The following DNAH1 variants were observed in gnomAD, a reference collection of about 807,000 sequenced individuals.
DNAH1 encodes axonemal beta dynein heavy chain 1.
A neutral mutation model predicts 484.3 loss-of-function variants in DNAH1; 327 were observed. The observed-to-expected ratio is 0.68, with a 90% CI of 0.62 to 0.74. The LOEUF (loss-of-function observed/expected upper bound fraction) is 0.74, where lower values mean the gene tolerates loss of function less well. DNAH1 is among the 30% of genes least tolerant of loss of function. DNAH1 has a pLI of 0.00. For synonymous variants in DNAH1, 2,192 were observed against 2,191.9 expected (o/e 1.00, Z 0.00); for missense variants, 5,052 against 5,546.8 (o/e 0.91, Z 2.83).
In DNAH1 at chr3:52,386,256, G is replaced by T; in HGVS notation, c.8722G>T (p.Asp2908Tyr). ...KAKKAQAIAD[D>Y]AQKDLDEALP... is the part of the protein sequence containing the mutation. Reference sequence around the variant, plus strand: ...CAAGAAGGCACAAGCTATTGCTGACGATGCCCAGAAGGACCTGGACGAGGC... The same window carrying T: ...CAAGAAGGCACAAGCTATTGCTGACTATGCCCAGAAGGACCTGGACGAGGC... The change falls in exon 55 of 78, where the codon GAT becomes TAT. Residue 2908 changes from aspartate to tyrosine, a missense_variant. Physicochemically the swap from Asp to Tyr is radical, Grantham distance 160. Transcript: ENST00000420323. The T allele has an allele frequency of 6.2e-7, 1 of 1,612,732 alleles. No individual in the cohort carries two copies. The highest frequency in any genetic ancestry group is 1.3e-5 in the African/African-American group (1 of 75,050).
At chr3:52,367,877 A>G (rs551580544) in intron 36 of DNAH1, among the ~76,000 whole-genome samples, 2 of 152,334 alleles carry the variant, frequency 1.3e-5, no homozygotes, top group African/African-American at 2.4e-5. Context: ...CCAGCCCTCA[A>G]TGATACTTTT....
upstream of DNAH1, among the ~76,000 whole-genome samples, chr3:52,312,202 G>A (rs1401908152): frequency 6.6e-6 from 1 of 152,188 alleles, no homozygotes; most frequent in Admixed American, 6.5e-5. Flanking sequence ...ACCTCAGTCT[G>A]CTCACCTGAA....
chr3:52,379,977 G>A lies in DNAH1; in HGVS notation c.7450G>A (p.Glu2484Lys). 1 of 1,586,774 alleles carries A rather than the reference G, an allele frequency of 6.3e-7. No homozygotes were observed. Among genetic ancestry groups the A allele is most frequent in the East Asian group, 2.3e-5 (1 of 43,298 alleles). Residue 2484 changes from glutamate to lysine, a missense_variant, in exon 48 of 78, where the codon GAG (glutamate) becomes AAG (lysine). Glu to Lys is a moderately conservative substitution (Grantham distance 56). Coordinates refer to ENST00000420323, the MANE Select transcript of DNAH1 (RefSeq NM_015512.5). The surrounding 1 kb of genome is among the most constrained non-coding windows in gnomAD (Gnocchi z 4.4). ...GTTCCGGGACCGACTGGTGAATGAG[G>A]AGGACCGCAGCTGGTTCGACCAGCT... is the stretch of plus-strand genomic sequence containing the variant. ...RVFRDRLVNEEDRSWFDQLLK... is the reference protein window; with the variant it reads ...RVFRDRLVNEKDRSWFDQLLK...
rs775782905 is a variant in DNAH1, at chr3:52,375,278, G to T, written c.7024G>T (p.Ala2342Ser). Residue 2342 changes from alanine (A) to serine (S), a missense_variant, in exon 45 of 78, where the codon GCC becomes TCC. By Grantham distance (99) the Ala-to-Ser change is moderately conservative. Transcript: ENST00000420323. ...CCTAGTGGACATCAACTTTGTCTGTGCCATGGGCCCCCCGGGTGGAGGCAG... is the reference window on the plus strand; with the variant it reads ...CCTAGTGGACATCAACTTTGTCTGTTCCATGGGCCCCCCGGGTGGAGGCAG... ...KNLVDINFVC[A>S]MGPPGGGRNT... The T allele has an allele frequency of 1.9e-6, 3 of 1,610,914 alleles. No homozygotes were observed. Among genetic ancestry groups the T allele is most frequent in the African/African-American group, 1.3e-5 (1 of 74,888 alleles).
chr3:52,322,118 A>G (rs1281579940), intron 1 of DNAH1, among the ~76,000 whole-genome samples: 1 of 152,094 alleles, frequency 6.6e-6, no homozygotes, highest in Non-Finnish European at 1.5e-5. Flanking sequence ...GTGCAGTCGC[A>G]TGCATGGGTT....
chr3:52,390,785 C>A, intron 60 of DNAH1, 150 bp from the exon 61 acceptor site: 1 of 1,210,794 alleles, frequency 8.3e-7, no homozygotes, highest in Non-Finnish European at 1.1e-6. Flanking sequence ...TGAGGCATTG[C>A]CTACATTGTC....
chr3:52,359,573 G>A (rs898148572), intron 26 of DNAH1, among the ~76,000 whole-genome samples, 187 bp downstream of exon 26: 7 of 152,184 alleles, frequency 4.6e-5, no homozygotes, highest in Non-Finnish European at 7.4e-5. Flanking sequence ...GGCCTGAGGC[G>A]ATGCCCCCTC....
intron 8 of DNAH1, among the ~76,000 whole-genome samples, chr3:52,335,186 G>C (rs1353703689): frequency 7.7e-6 from 1 of 129,530 alleles, no homozygotes; most frequent in Non-Finnish European, 1.6e-5. Context: ...CTCCCGAGTA[G>C]CTGGAATTAC....
Position 52,385,369 on chromosome 3 carries a change from G to A in DNAH1, c.8547G>A (p.Met2849Ile), listed in dbSNP as rs114269028. The change falls in exon 54 of 78, where the codon ATG becomes ATA. Residue 2849 changes from methionine (M) to isoleucine (I), a missense_variant. By Grantham distance (10) the Met-to-Ile change is conservative. This residue lies in a region of DNAH1 where 2,929 missense variants were observed against 3,409.4 expected (regional missense o/e 0.86). Coordinates refer to ENST00000420323, the MANE Select transcript of DNAH1 (RefSeq NM_015512.5). ...LLRTSEDVAK[M>I]QEDLESMHPL... is the part of the protein sequence containing the mutation. ...GCACTTCTGAGGATGTAGCCAAGATGCAGGAGGACCTGGAGAGTATGCACC... is the reference window on the plus strand; with the variant it reads ...GCACTTCTGAGGATGTAGCCAAGATACAGGAGGACCTGGAGAGTATGCACC... 4 of 1,552,794 alleles carry A rather than the reference G, an allele frequency of 2.6e-6. No individual in the cohort carries two copies. Among genetic ancestry groups the A allele is most frequent in the African/African-American group, 1.4e-5 (1 of 73,208 alleles).
chr3:52,388,139 C>T (rs773449007), intron 56 of DNAH1, 28 bp from the exon 57 acceptor site: 1 of 1,596,604 alleles, frequency 6.3e-7, no homozygotes. Flanking sequence ...GAGAAGCAGC[C>T]TCTTGAGACC....
intron 26 of DNAH1, among the ~76,000 whole-genome samples, chr3:52,359,659 A>G (rs1702772778): frequency 6.6e-6 from 1 of 152,206 alleles, no homozygotes; most frequent in African/African-American, 2.4e-5. Flanking sequence ...CCTGTGCTCC[A>G]GTGCCTTGCC....
At chr3:52,398,662 C>CAA (rs1704751430) in intron 75 of DNAH1, among the ~76,000 whole-genome samples, 188 bp from the exon 76 acceptor site, 1 of 152,054 alleles carries the variant, frequency 6.6e-6, no homozygotes, top group South Asian at 2.1e-4. Flanking sequence ...GTAAGCTATC[C>CAA]AAGTCCAACT....
At position 52,394,683 on chromosome 3, in the gene DNAH1, G is replaced by A. The variant is rs766254418; in HGVS notation, c.10823+22G>A. The A allele has an allele frequency of 5.8e-6, 9 of 1,551,074 alleles. No homozygotes were observed. The Admixed American group carries it at 1.1e-4, about 19-fold the overall frequency. ...ACCGGTTAGCTGGGCCCCAGAATAT[G>A]GCAGGATGAGCCCATCGAGGGGATG... On this transcript the variant is annotated intron_variant, in intron 67 of 77. Transcript: ENST00000420323.
intron 21 of DNAH1, among the ~76,000 whole-genome samples, chr3:52,356,102 C>G (rs913758224): frequency 6.6e-6 from 1 of 152,238 alleles, no homozygotes; most frequent in African/African-American, 2.4e-5. Flanking sequence ...ACAAGAGATA[C>G]ATCCTGAATG....
rs533292473 is a variant in DNAH1, at chr3:52,365,507, T to G, written c.5518+488T>G. ...AAGAACATTTGGGCCCTTCCTTCAC[T>G]GACTTGTTGCAAAGGCCACCATGTG... On this transcript the variant is annotated intron_variant, in intron 34 of 77. Transcript: ENST00000420323. Among the ~76,000 whole-genome samples the G allele has an allele frequency of 2.5e-4, 38 of 152,286 alleles. No homozygotes were observed. The South Asian group carries it at 4.8e-3, about 19-fold the overall frequency.
Position 52,400,308 on chromosome 3 carries a change from C to G in DNAH1, c.12677-17C>G, listed in dbSNP as rs1434562968. ...ATAGGGCATGACCTAACCCGTCCCC[C>G]TCCTTGCCCATTCCAGGAACACTAT... On this transcript the variant is annotated splice_polypyrimidine_tract_variant and intron_variant, in intron 77 of 77. Transcript: ENST00000420323. The G allele has an allele frequency of 1.4e-5, 23 of 1,613,668 alleles. No individual in the cohort carries two copies. The highest frequency in any genetic ancestry group is 1.9e-5 in the Non-Finnish European group (22 of 1,179,770).
At chr3:52,397,115 T>C in intron 73 of DNAH1, 71 bp downstream of exon 73, 1 of 1,382,476 alleles carries the variant, frequency 7.2e-7, no homozygotes, top group Non-Finnish European at 9.8e-7. Flanking sequence ...ATGAGCACCT[T>C]GGTGCTGGGT....
In DNAH1 at chr3:52,376,094, T is replaced by G. The variant is rs540899009; in HGVS notation, c.7198+101T>G. ...TGCGACCAGGCGCCGTGGTGAACCA[T>G]CCTCAGGTTCATGCAGGGACCTTGG... is the stretch of plus-strand genomic sequence containing the variant. On this transcript the variant is annotated intron_variant, in intron 46 of 77. Coordinates refer to ENST00000420323, the MANE Select transcript of DNAH1 (RefSeq NM_015512.5). 18 of 1,437,348 alleles carry G rather than the reference T, an allele frequency of 1.3e-5. No individual in the cohort carries two copies. The South Asian group carries it at 2.1e-4, about 17-fold the overall frequency. The allele number at this position is 1,437,348 out of a possible 1,614,324, so 89.0% of individuals were successfully genotyped here.
In DNAH1 at chr3:52,379,795, C is replaced by A. The variant is rs1703759745; in HGVS notation, c.7378-110C>A. ...CCTGGGCCATGGTGGGAGAGCCAGG[C>A]TCCAGTCAGGGCCCCAGGAACTGGG... On this transcript the variant is annotated intron_variant, in intron 47 of 77. Transcript: ENST00000420323. The surrounding 1 kb of genome is among the most constrained non-coding windows in gnomAD (Gnocchi z 4.4). 4.3e-6 allele frequency: 4 copies of A among 940,574 alleles called. No individual in the cohort carries two copies. In the East Asian group the frequency reaches 7.9e-5, roughly 19 times the overall value. 58.3% of individuals were successfully genotyped at this position (940,574 alleles called of 1,614,324 possible). A position where few individuals can be genotyped will look rare whatever the true frequency, so the allele number is the denominator to read the frequency against.
Sources: gnomAD v4.1 joint callset for allele counts (sites outside exome capture counted in the v4.1 genomes callset) on GRCh38, gnomAD v4.1.1 for gene constraint, gnomAD v4.1.1 regional missense constraint, Gnocchi (gnomAD v3.1) non-coding constraint, MANE v1.5 for transcripts, NCBI Gene and HGNC (gene_info 2026-07-23, HGNC 2026-07-21) for gene names.